Variants in HMGB1 observed in about 807,000 individuals in gnomAD.
HMGB1 encodes high mobility group protein B1.
For synonymous variants in HMGB1, 81 were observed against 84.0 expected, an observed-to-expected ratio of 0.96 and a Z score of 0.19; for missense variants, 79 against 253.5, an observed-to-expected ratio of 0.31 and a Z score of 4.67.
At chr13:30,490,026 CAAAA>C (rs780306690) in intron 1 of HMGB1, among the ~76,000 whole-genome samples, 3 of 65,650 alleles carry the variant, frequency 4.6e-5, no homozygotes, top group African/African-American at 6.0e-5. Flanking sequence ...GCGCTGGTCT[CAAAA>C]AAAAAAAAAA....
At chr13:30,610,124 G>T (rs1283421296) in intron 1 of HMGB1, among the ~76,000 whole-genome samples, 1 of 151,834 alleles carries the variant, frequency 6.6e-6, no homozygotes, top group African/African-American at 2.4e-5. Context: ...TTACTTTATT[G>T]TAAGAATACA....
intron 1 of HMGB1, among the ~76,000 whole-genome samples, chr13:30,561,627 G>A (rs1004844640): frequency 1.3e-5 from 2 of 152,154 alleles, no homozygotes; most frequent in East Asian, 1.9e-4. Flanking sequence ...GGAGAGAGAA[G>A]TGTAAGAGTG....
chr13:30,538,490 CTTTCTTTCTTTCTT>C (rs1868580708), intron 1 of HMGB1, among the ~76,000 whole-genome samples: 1 of 60,764 alleles, frequency 1.6e-5, no homozygotes, highest in African/African-American at 5.3e-5. Flanking sequence ...TTCTTTCTTT[CTTTCTTTCTTTCTT>C]TCTTTCCTTT....
chr13:30,538,450 A>G (rs1207572018), intron 1 of HMGB1, among the ~76,000 whole-genome samples: 2 of 121,170 alleles, frequency 1.7e-5, no homozygotes, highest in African/African-American at 6.9e-5. Context: ...TAGTACTAGC[A>G]ATTCTTTCTT....
chr13:30,538,327 G>A (rs1348247110), intron 1 of HMGB1, among the ~76,000 whole-genome samples: 1 of 152,024 alleles, frequency 6.6e-6, no homozygotes, highest in Non-Finnish European at 1.5e-5. Context: ...GATTCCTTTA[G>A]TAATAAAGAA....
In HMGB1 at chr13:30,458,375, G is replaced by C. The variant is rs2137380714; in HGVS notation, c.*2982C>G. ...GATGGAGTCTTGCTCTGTCACCCAG[G>C]CTGGAGTGCAGTGGCACAATCTCGG... On this transcript the variant is annotated 3_prime_UTR_variant, in exon 5 of 5. Coordinates refer to ENST00000341423, the MANE Select transcript of HMGB1 (RefSeq NM_002128.7). The C allele has an allele frequency of 6.8e-6, 1 of 147,016 alleles. No individual in the cohort carries two copies. The highest frequency in any genetic ancestry group is 2.6e-5 in the African/African-American group (1 of 38,014). The allele number at this position is 147,016 out of a possible 1,614,324, so 9.1% of individuals were successfully genotyped here.
rs576311190 is a variant in HMGB1 at position 30,458,126 on chromosome 13, A to G, written c.*3231T>C. ...TGCAGATACCTTACCATCACATGCA[A>G]GTGTCTTACTGCTACTGAAAGCTAT... On this transcript the variant is annotated 3_prime_UTR_variant, in exon 5 of 5. Coordinates refer to ENST00000341423, the MANE Select transcript of HMGB1 (RefSeq NM_002128.7). The G allele has an allele frequency of 2.4e-4, 36 of 152,234 alleles. No individual in the cohort carries two copies. Among genetic ancestry groups the G allele is most frequent in the Middle Eastern group, 3.4e-3 (1 of 294 alleles). The allele number at this position is 152,234 out of a possible 1,614,324, so 9.4% of individuals were successfully genotyped here.
At chr13:30,533,345 A>G (rs1468637063) in intron 1 of HMGB1, among the ~76,000 whole-genome samples, 15 of 152,200 alleles carry the variant, frequency 9.9e-5, no homozygotes, top group South Asian at 2.1e-4. Flanking sequence ...CGCTTCCTCT[A>G]TATCAGTGTC....
intron 1 of HMGB1, among the ~76,000 whole-genome samples, chr13:30,533,950 C>T (rs999183029): frequency 1.2e-4 from 18 of 150,032 alleles, no homozygotes; most frequent in Admixed American, 6.0e-4. Flanking sequence ...CCGCAACCTC[C>T]GCCTCCCAGG....
intron 1 of HMGB1, among the ~76,000 whole-genome samples, chr13:30,539,244 C>G (rs1460868498): frequency 6.6e-6 from 1 of 152,208 alleles, no homozygotes; most frequent in African/African-American, 2.4e-5. Context: ...TGCCCGCCTC[C>G]GCTGAAAAGG....
At chr13:30,532,222 C>T (rs1355339787) in intron 1 of HMGB1, among the ~76,000 whole-genome samples, 3 of 151,348 alleles carry the variant, frequency 2.0e-5, no homozygotes, top group African/African-American at 4.9e-5. Flanking sequence ...GTAATCCCAG[C>T]TACTCAGGAG....
intron 1 of HMGB1, among the ~76,000 whole-genome samples, chr13:30,611,654 G>A (rs1012058940): frequency 1.3e-5 from 2 of 151,996 alleles, no homozygotes; most frequent in African/African-American, 2.4e-5. Context: ...ATCCCGCCTT[G>A]TATGAAAACT....
intron 1 of HMGB1, among the ~76,000 whole-genome samples, chr13:30,546,948 T>A (rs925180080): frequency 3.9e-5 from 6 of 152,348 alleles, no homozygotes; most frequent in Middle Eastern, 3.4e-3. Context: ...ATGCTGTTAA[T>A]TACCACTGGT....
intron 1 of HMGB1, among the ~76,000 whole-genome samples, chr13:30,485,427 G>A (rs1255646424): frequency 6.6e-6 from 1 of 152,188 alleles, no homozygotes; most frequent in African/African-American, 2.4e-5. Context: ...AGCCCCCAAA[G>A]GGCACCAGCT....
intron 1 of HMGB1, among the ~76,000 whole-genome samples, chr13:30,472,124 C>T (rs1234970114): frequency 6.7e-6 from 1 of 150,180 alleles, no homozygotes; most frequent in Non-Finnish European, 1.5e-5. Context: ...CTAAAAAGAC[C>T]AAAATGAGTC....
chr13:30,523,428 A>G (rs1050229818), intron 1 of HMGB1, among the ~76,000 whole-genome samples: 6 of 152,242 alleles, frequency 3.9e-5, no homozygotes, highest in African/African-American at 1.4e-4. Flanking sequence ...CTTTGCTAGG[A>G]AAAGTCAACT....
At chr13:30,609,053 A>T (rs2137572585) in intron 1 of HMGB1, among the ~76,000 whole-genome samples, 1 of 152,358 alleles carries the variant, frequency 6.6e-6, no homozygotes, top group South Asian at 2.1e-4. Flanking sequence ...CGAGGTCAGG[A>T]GATCAAGACC....
At chr13:30,550,583 C>T (rs528076926) in intron 1 of HMGB1, among the ~76,000 whole-genome samples, 76 of 152,256 alleles carry the variant, frequency 5.0e-4, no homozygotes, top group Non-Finnish European at 7.2e-4. Flanking sequence ...CAGTTCACTA[C>T]CCACCAGAGG....
At chr13:30,594,205 T>C (rs548851480) in intron 1 of HMGB1, among the ~76,000 whole-genome samples, 7 of 152,366 alleles carry the variant, frequency 4.6e-5, no homozygotes, top group African/African-American at 1.7e-4. Context: ...ATTTTTAAAT[T>C]TAATTTTGTA....
Sources: allele counts gnomAD v4.1 joint callset (sites outside exome capture counted in the v4.1 genomes callset), GRCh38; gene constraint gnomAD v4.1.1; transcripts MANE v1.5; gene names NCBI Gene and HGNC (gene_info 2026-07-23, HGNC 2026-07-21).